Variants in SV2B observed in about 807,000 individuals in gnomAD.
The protein encoded by SV2B is synaptic vesicle glycoprotein 2B.
SV2B carries 41 observed loss-of-function variants against 73.9 expected under a neutral mutation model. That is an observed-to-expected ratio of 0.56 (90% CI 0.43 to 0.72). The LOEUF (loss-of-function observed/expected upper bound fraction) is 0.72, where lower values mean the gene tolerates loss of function less well. Among genes scored for constraint, SV2B ranks in the 30% least tolerant of loss-of-function variants. The pLI is 0.00. For missense variants in SV2B, 764 were observed against 857.8 expected, an observed-to-expected ratio of 0.89 and a Z score of 1.37; for synonymous variants, 314 against 314.2, an observed-to-expected ratio of 1.00 and a Z score of 0.01.
In SV2B at chr15:91,283,041, A is replaced by T. The variant is rs1193499382; in HGVS notation, c.1508-980A>T. 1.3e-5 allele frequency among the ~76,000 whole-genome samples: 2 copies of T among 152,210 alleles called. No homozygotes were observed. Among genetic ancestry groups the T allele is most frequent in the African/African-American group, 2.4e-5 (1 of 41,462 alleles). ...AGGAAATGTCAGAGCTGGGAGAAGC[A>T]GTGGAGATGATCATGTGCACTCTTC... On this transcript the variant is annotated intron_variant, in intron 10 of 12. Transcript: ENST00000394232. This position sits in a 1 kb window ranked among gnomAD's most constrained non-coding sequence, Gnocchi z 4.3.
In SV2B at chr15:91,295,077, G is replaced by A. The variant is rs549433709; in HGVS notation, c.*2525G>A. ...GCCATCCACTTCTTTTTCACTTCAT[G>A]TTCTACCCCAAGAGACTCCCGATGT... On this transcript the variant is annotated 3_prime_UTR_variant, in exon 13 of 13. Coordinates refer to ENST00000394232, the MANE Select transcript of SV2B (RefSeq NM_001323032.3). The A allele has an allele frequency of 1.3e-5, 2 of 152,720 alleles. No homozygotes were observed. Among genetic ancestry groups the A allele is most frequent in the South Asian group, 2.1e-4 (1 of 4,812 alleles). The allele number at this position is 152,720 out of a possible 1,614,324, so 9.5% of individuals were successfully genotyped here.
At chr15:91,263,655 G>T (rs1162422608) in intron 6 of SV2B, among the ~76,000 whole-genome samples, 1 of 149,892 alleles carries the variant, frequency 6.7e-6, no homozygotes, top group African/African-American at 2.5e-5. Context: ...CAAACACACA[G>T]ACACAGGCAC....
chr15:91,163,854 A>C (rs2043815213), intron 1 of SV2B, among the ~76,000 whole-genome samples: 1 of 152,142 alleles, frequency 6.6e-6, no homozygotes, highest in Middle Eastern at 3.2e-3. Context: ...TATGTCCTGA[A>C]TGGTATTGCC....
chr15:91,171,959 T>C (rs1374499430), intron 1 of SV2B, among the ~76,000 whole-genome samples: 1 of 152,182 alleles, frequency 6.6e-6, no homozygotes, highest in Non-Finnish European at 1.5e-5. Flanking sequence ...TATCACTCTG[T>C]TGGATAAAAA....
intron 2 of SV2B, among the ~76,000 whole-genome samples, chr15:91,228,826 T>C (rs2046467548): frequency 1.3e-5 from 2 of 152,220 alleles, no homozygotes; most frequent in Admixed American, 1.3e-4. Context: ...AAAATGAGTG[T>C]CTAAATGGAT....
At chr15:91,185,189 C>T (rs781066205) in intron 1 of SV2B, among the ~76,000 whole-genome samples, 9 of 152,192 alleles carry the variant, frequency 5.9e-5, no homozygotes, top group Non-Finnish European at 1.2e-4. Context: ...CCCACCTCAG[C>T]GTCCCAAGTA....
At position 91,267,948 on chromosome 15, in the gene SV2B, G is replaced by A. The variant is rs1284135666; in HGVS notation, c.1208+305G>A. On this transcript the variant is annotated intron_variant, in intron 8 of 12. Coordinates refer to ENST00000394232, the MANE Select transcript of SV2B (RefSeq NM_001323032.3). The surrounding 1 kb of genome is among the most constrained non-coding windows in gnomAD (Gnocchi z 4.3). ...CTCCCCAGTTGCTGGGACTACAGAT[G>A]TGTGCCACCACACCTGGATAATTTT... 6.6e-6 allele frequency among the ~76,000 whole-genome samples: 1 copy of A among 151,996 alleles called. No individual in the cohort carries two copies. The highest frequency in any genetic ancestry group is 1.5e-5 in the Non-Finnish European group (1 of 68,034).
At chr15:91,108,332 G>A (rs2041946415) in intron 1 of SV2B, among the ~76,000 whole-genome samples, 1 of 152,258 alleles carries the variant, frequency 6.6e-6, no homozygotes, top group South Asian at 2.1e-4. Flanking sequence ...AATCTCCTTA[G>A]TTCAGTTCTG....
chr15:91,191,187 T>G (rs920609680), intron 1 of SV2B, among the ~76,000 whole-genome samples: 2 of 151,060 alleles, frequency 1.3e-5, no homozygotes, highest in Non-Finnish European at 2.9e-5. Context: ...TGTCTCAGCC[T>G]CCTGAGTAGT....
chr15:91,222,922 A>G (rs2046263859), intron 1 of SV2B, among the ~76,000 whole-genome samples: 1 of 152,248 alleles, frequency 6.6e-6, no homozygotes, highest in Non-Finnish European at 1.5e-5. Flanking sequence ...TTTCATAAAC[A>G]CTAGGCTTGT....
At position 91,268,649 on chromosome 15, in the gene SV2B, C is replaced by A; in HGVS notation, c.1373+44C>A. On this transcript the variant is annotated intron_variant, in intron 9 of 12. Transcript: ENST00000394232. The surrounding 1 kb of genome is among the most constrained non-coding windows in gnomAD (Gnocchi z 4.4). ...GCTTCCCTCACATCAGGGTGACAGT[C>A]GTGGGGACTGTTATTGGGAGGGAGC... is the stretch of plus-strand genomic sequence containing the variant. 1 of 1,587,984 alleles carries A rather than the reference C, an allele frequency of 6.3e-7. No individual in the cohort carries two copies. The highest frequency in any genetic ancestry group is 1.1e-5 in the South Asian group (1 of 88,842).
intron 6 of SV2B, among the ~76,000 whole-genome samples, chr15:91,262,911 G>A (rs2047961536): frequency 6.6e-6 from 1 of 152,192 alleles, no homozygotes; most frequent in African/African-American, 2.4e-5. Context: ...TGCCCCTGCT[G>A]CCTCGTTCCA....
intron 1 of SV2B, among the ~76,000 whole-genome samples, chr15:91,155,967 A>T: frequency 6.6e-6 from 1 of 152,126 alleles, no homozygotes; most frequent in South Asian, 2.1e-4. Context: ...TTTCCAAGAA[A>T]TCATGGGCCC....
At chr15:91,285,825 G>A (rs568168107) in intron 11 of SV2B, among the ~76,000 whole-genome samples, 1 of 152,144 alleles carries the variant, frequency 6.6e-6, no homozygotes, top group Admixed American at 6.5e-5. Flanking sequence ...CCATGTCGAC[G>A]AGAACAGCCC....
intron 1 of SV2B, among the ~76,000 whole-genome samples, chr15:91,207,322 C>T (rs2045680665): frequency 6.6e-6 from 1 of 151,578 alleles, no homozygotes; most frequent in Non-Finnish European, 1.5e-5. Context: ...TGTGCCTGGT[C>T]TTAAAACAAT....
In SV2B at chr15:91,300,731, T is replaced by C. The variant is rs1567041031; in HGVS notation, c.*8179T>C. On this transcript the variant is annotated 3_prime_UTR_variant, in exon 13 of 13. Coordinates refer to ENST00000394232, the MANE Select transcript of SV2B (RefSeq NM_001323032.3). Reference sequence around the variant, plus strand: ...ATCTTAATCCTTTGGCTAGATGGGATACCTCTTCTACCTTTTCAGAGGTGA... The same window carrying C: ...ATCTTAATCCTTTGGCTAGATGGGACACCTCTTCTACCTTTTCAGAGGTGA... The C allele has an allele frequency of 6.6e-6, 1 of 152,228 alleles. No individual in the cohort carries two copies. Among genetic ancestry groups the C allele is most frequent in the Non-Finnish European group, 1.5e-5 (1 of 68,046 alleles). The allele number at this position is 152,228 out of a possible 1,614,324, so 9.4% of individuals were successfully genotyped here.
At chr15:91,159,562 A>T (rs2043636394) in intron 1 of SV2B, among the ~76,000 whole-genome samples, 1 of 152,250 alleles carries the variant, frequency 6.6e-6, no homozygotes, top group African/African-American at 2.4e-5. Context: ...AGAATACTTC[A>T]TAGAGAGGAT....
chr15:91,221,690 T>TGTGCAC (rs142861264), intron 1 of SV2B, among the ~76,000 whole-genome samples: 9,871 of 111,006 alleles, frequency 0.089, 447 homozygotes, highest in Middle Eastern at 0.15. Flanking sequence ...ACCAAGCATG[T>TGTGCAC]GCGCACACAC....
rs942658565 is a variant in SV2B, at chr15:91,139,294, T to G, written c.-392+38931T>G. Among the ~76,000 whole-genome samples, 6 of 152,078 alleles carry G rather than the reference T, an allele frequency of 3.9e-5. No individual in the cohort carries two copies. The highest frequency in any genetic ancestry group is 1.4e-4 in the African/African-American group (6 of 41,386). On this transcript the variant is annotated intron_variant, in intron 1 of 12. Transcript: ENST00000394232. This position sits in a 1 kb window ranked among gnomAD's most constrained non-coding sequence, Gnocchi z 5.2. ...AGCTGGTGGGTACATGGTAGTTCAT[T>G]AAATTATTCTCTCTACTTTTGAATG...
Sources: allele counts gnomAD v4.1 joint callset (sites outside exome capture counted in the v4.1 genomes callset), GRCh38; gene constraint gnomAD v4.1.1; non-coding constraint Gnocchi (gnomAD v3.1); transcripts MANE v1.5; gene names NCBI Gene and HGNC (gene_info 2026-07-23, HGNC 2026-07-21).